The following NPC1 variants were observed in gnomAD, a reference collection of about 807,000 sequenced individuals.
NPC1 encodes Niemann-Pick C1 protein.
NPC1 carries 85 observed loss-of-function variants against 140.4 expected under a neutral mutation model. That is an observed-to-expected ratio of 0.61 (90% CI 0.51 to 0.72). The LOEUF is 0.72. NPC1 is among the 30% of genes least tolerant of loss of function. The probability of loss-of-function intolerance (pLI) is 0.00; values close to 1 mark genes in which losing one functional copy is unlikely to be tolerated. For synonymous variants in NPC1, 656 were observed against 624.8 expected, an observed-to-expected ratio of 1.05 and a Z score of -0.74; for missense variants, 1,504 against 1,623.8, an observed-to-expected ratio of 0.93 and a Z score of 1.27.
intron 4 of NPC1, among the ~76,000 whole-genome samples, chr18:23,568,322 AT>A (rs1276382503): frequency 2.0e-5 from 3 of 152,106 alleles, no homozygotes; most frequent in East Asian, 3.9e-4. Flanking sequence ...TTTCTATGGA[AT>A]TTTTTTGTTA....
chr18:23,577,652 C>T (rs1244768510), intron 1 of NPC1, among the ~76,000 whole-genome samples: 2 of 152,220 alleles, frequency 1.3e-5, no homozygotes, highest in Non-Finnish European at 2.9e-5. Flanking sequence ...CTTGGGTGGT[C>T]GATGGGACTG....
intron 16 of NPC1, 123 bp downstream of exon 16, chr18:23,540,944 CT>C (rs199530062): frequency 8.3e-4 from 964 of 1,155,574 alleles, no homozygotes; most frequent in Non-Finnish European, 1.0e-3. Context: ...TTTGCTTTTG[CT>C]TTTTTTTTAG....
At chr18:23,519,519 G>GAA (rs35759590), downstream of NPC1, among the ~76,000 whole-genome samples, 2 of 136,104 alleles carry the variant, frequency 1.5e-5, no homozygotes, top group Non-Finnish European at 1.6e-5. Flanking sequence ...TCCTGTCTCC[G>GAA]AAAAAAAAAA....
chr18:23,583,146 CT>C (rs1425672862), intron 1 of NPC1, among the ~76,000 whole-genome samples: 1 of 150,472 alleles, frequency 6.6e-6, no homozygotes, highest in Non-Finnish European at 1.5e-5. Flanking sequence ...GTCAAGTGTC[CT>C]GGCCACATTT....
chr18:23,564,571 C>T (rs2145500706), intron 4 of NPC1, among the ~76,000 whole-genome samples: 1 of 152,280 alleles, frequency 6.6e-6, no homozygotes, highest in South Asian at 2.1e-4. Context: ...AATCCTCCTG[C>T]CTCAGCCACC....
chr18:23,515,848 T>G, intron 3 of NPC1: 1 of 1,614,108 alleles, frequency 6.2e-7, no homozygotes, highest in Middle Eastern at 1.7e-4. Flanking sequence ...TCTTAAACTC[T>G]GCTTCAGGTA....
rs2058668624 is a variant in NPC1, at chr18:23,538,681, A to ACT, written c.2912-11_2912-10insAG. ...CAGGCAGGGTCAACCACTGGCGGAG[A>ACT]CATGCAGGGAGGACTGTTAGAAGAA... On this transcript the variant is annotated splice_polypyrimidine_tract_variant and intron_variant, in intron 19 of 24. Transcript: ENST00000269228. 1 of 1,613,892 alleles carries ACT rather than the reference A, an allele frequency of 6.2e-7. No individual in the cohort carries two copies. The highest frequency in any genetic ancestry group is 8.5e-7 in the Non-Finnish European group (1 of 1,180,008).
chr18:23,553,754 C>T (rs1023952291), intron 9 of NPC1, among the ~76,000 whole-genome samples: 2 of 152,192 alleles, frequency 1.3e-5, no homozygotes, highest in Non-Finnish European at 2.9e-5. Context: ...GATTCCCCTA[C>T]AGGTCACCAA....
chr18:23,529,189 C>G (rs752038856), downstream of NPC1: 2 of 1,611,848 alleles, frequency 1.2e-6, no homozygotes, highest in South Asian at 1.1e-5. Context: ...GCGGTGGAAG[C>G]AGGGCAGAGC....
Position 23,538,610 on chromosome 18 carries a change from C to G in NPC1, c.2973G>C (p.Gln991His), listed in dbSNP as rs201118975. 9.3e-6 allele frequency: 15 copies of G among 1,614,020 alleles called. No homozygotes were observed. The African/African-American group carries it at 1.5e-4, about 16-fold the overall frequency. ...GCAGGAATCTCATGAAGTCTCCCCC[C>G]TGAGGCCTCTGTTTGCCTTCCGGAG... ...PLTPEGKQRP[Q>H]GGDFMRFLPM... is the part of the protein sequence containing the mutation. The change falls in exon 20 of 25, where the codon CAG becomes CAC. Residue 991 changes from glutamine (Q) to histidine (H), a missense_variant. Coordinates refer to ENST00000269228, the MANE Select transcript of NPC1 (RefSeq NM_000271.5).
intron 21 of NPC1, 45 bp from the exon 22 acceptor site, chr18:23,535,745 C>T (rs368246991): frequency 1.9e-4 from 231 of 1,247,574 alleles, no homozygotes; most frequent in Middle Eastern, 9.5e-4. Context: ...CTCTCACTCC[C>T]GAACACTGCG....
rs763618439 is a variant in NPC1, at chr18:23,568,968, G to A, written c.318C>T (p.Asn106=). The change falls in exon 4 of 25, where the codon AAC becomes AAT. Residue 106 remains asparagine (N), a synonymous_variant. Coordinates refer to ENST00000269228, the MANE Select transcript of NPC1 (RefSeq NM_000271.5). ...GGCTACATGTCAGCTCACAAAACAG[G>A]TTCAGTAGGTTATAAAAACAGGATG... The part of the protein sequence containing the change: ...RCPSCFYNLL[N]LFCELTCSPR... 3.7e-6 allele frequency: 6 copies of A among 1,613,648 alleles called. No individual in the cohort carries two copies. The highest frequency in any genetic ancestry group is 5.1e-6 in the Non-Finnish European group (6 of 1,179,846).
chr18:23,507,969 G>T, intron 3 of NPC1: 4 of 1,609,766 alleles, frequency 2.5e-6, no homozygotes, highest in Non-Finnish European at 3.4e-6. Flanking sequence ...GTGTGTCTGT[G>T]TGTTTTTCCT....
Position 23,560,226 on chromosome 18 carries a change from C to T in NPC1, c.881+5G>A. Reference sequence around the variant, plus strand: ...TTGCCCTGGATGACAAACAAAACTGCTTACCTGTAGCACCACACTGCAAAA... The same window carrying T: ...TTGCCCTGGATGACAAACAAAACTGTTTACCTGTAGCACCACACTGCAAAA... On this transcript the variant is annotated splice_donor_5th_base_variant and intron_variant, in intron 6 of 24. Coordinates refer to ENST00000269228, the MANE Select transcript of NPC1 (RefSeq NM_000271.5). The T allele has an allele frequency of 6.2e-7, 1 of 1,614,050 alleles. No individual in the cohort carries two copies. Among genetic ancestry groups the T allele is most frequent in the Non-Finnish European group, 8.5e-7 (1 of 1,179,986 alleles).
intron 1 of NPC1, among the ~76,000 whole-genome samples, chr18:23,575,769 C>CCAAAAAAAA (rs2059267116): frequency 8.6e-5 from 3 of 35,082 alleles, no homozygotes; most frequent in Admixed American, 4.2e-4. Context: ...CAGAGAAGAC[C>CCAAAAAAAA]AAAAAAAAAA....
intron 10 of NPC1, among the ~76,000 whole-genome samples, chr18:23,551,313 T>G (rs1189987689): frequency 6.6e-6 from 1 of 152,206 alleles, no homozygotes; most frequent in Non-Finnish European, 1.5e-5. Context: ...ATAAATGAAC[T>G]TCGGAGGCCC....
At chr18:23,562,309 CAAAA>C (rs1014105706) in intron 4 of NPC1, among the ~76,000 whole-genome samples, 1 of 146,052 alleles carries the variant, frequency 6.8e-6, no homozygotes, top group Non-Finnish European at 1.5e-5. Flanking sequence ...AAAAAAAAAA[CAAAA>C]AAAACCCCTA....
In NPC1 at chr18:23,532,142, G is replaced by T; in HGVS notation, c.*60C>A. 6.2e-7 allele frequency: 1 copy of T among 1,614,044 alleles called. No homozygotes were observed. Among genetic ancestry groups the T allele is most frequent in the Admixed American group, 1.7e-5 (1 of 59,986 alleles). On this transcript the variant is annotated 3_prime_UTR_variant, in exon 25 of 25. Transcript: ENST00000269228. ...ACTTGGCCTTGCCGATGCAGCACCC[G>T]TCCAGTGGTAAACCGACCGACCCTT... is the stretch of plus-strand genomic sequence containing the variant.
At chr18:23,551,166 G>A (rs1214511737) in intron 10 of NPC1, among the ~76,000 whole-genome samples, 1 of 152,166 alleles carries the variant, frequency 6.6e-6, no homozygotes, top group African/African-American at 2.4e-5. Flanking sequence ...CACTGTAAGA[G>A]TGTCCAAATA....
Sources: allele counts gnomAD v4.1 joint callset (sites outside exome capture counted in the v4.1 genomes callset), GRCh38; gene constraint gnomAD v4.1.1; transcripts MANE v1.5; gene names NCBI Gene and HGNC (gene_info 2026-07-23, HGNC 2026-07-21).